CWC27: variants seen among roughly 807,000 people sequenced by gnomAD.
The protein encoded by CWC27 is spliceosome-associated protein CWC27 homolog.
Under a neutral mutation model 63.6 loss-of-function variants are expected in CWC27, and 47 were observed. That is an observed-to-expected ratio of 0.74 (90% confidence interval 0.58 to 0.94). The LOEUF (loss-of-function observed/expected upper bound fraction) is 0.94. Ranked by LOEUF, CWC27 falls within the 40% of genes least tolerant of loss-of-function variation. CWC27 has a pLI of 0.00. For missense variants in CWC27, 495 were observed against 554.3 expected, an observed-to-expected ratio of 0.89 and a Z score of 1.07; for synonymous variants, 175 against 179.8, an observed-to-expected ratio of 0.97 and a Z score of 0.22.
At chr5:64,888,176 G>C (rs1178809327) in intron 11 of CWC27, among the ~76,000 whole-genome samples, 3 of 151,224 alleles carry the variant, frequency 2.0e-5, no homozygotes. Flanking sequence ...CAAAGGATGG[G>C]GACAAGCTAA....
chr5:64,806,256 A>C (rs1293924728), intron 10 of CWC27, among the ~76,000 whole-genome samples: 1 of 152,188 alleles, frequency 6.6e-6, no homozygotes, highest in Non-Finnish European at 1.5e-5. Flanking sequence ...AGTTATATTC[A>C]AGTGCATTGC....
At chr5:64,946,841 A>T (rs1748600375) in intron 11 of CWC27, among the ~76,000 whole-genome samples, 1 of 152,064 alleles carries the variant, frequency 6.6e-6, no homozygotes, top group East Asian at 1.9e-4. Context: ...CTTGCAGCTG[A>T]TGAGGACTTA....
intron 13 of CWC27, among the ~76,000 whole-genome samples, chr5:65,017,346 T>G (rs1436451340): frequency 6.6e-6 from 1 of 152,156 alleles, no homozygotes; most frequent in African/African-American, 2.4e-5. Flanking sequence ...ACTTTTCTCT[T>G]TCTAAATTCA....
At chr5:64,875,939 C>T (rs1446029796) in intron 10 of CWC27, among the ~76,000 whole-genome samples, 3 of 152,008 alleles carry the variant, frequency 2.0e-5, no homozygotes. Context: ...TAAATAATTT[C>T]CATAGAATCT....
chr5:64,829,948 C>T (rs1300874257), intron 10 of CWC27, among the ~76,000 whole-genome samples: 7 of 149,300 alleles, frequency 4.7e-5, no homozygotes, highest in Non-Finnish European at 7.4e-5. Context: ...CCAGCTTCAT[C>T]CATGTCCCTG....
At chr5:64,952,979 G>A (rs1748739633) in intron 11 of CWC27, among the ~76,000 whole-genome samples, 1 of 152,098 alleles carries the variant, frequency 6.6e-6, no homozygotes, top group South Asian at 2.1e-4. Flanking sequence ...CAAAACCCAT[G>A]GAGAAGTCCC....
At chr5:64,788,362 A>C (rs1174862018) in intron 6 of CWC27, among the ~76,000 whole-genome samples, 1 of 150,366 alleles carries the variant, frequency 6.7e-6, no homozygotes, top group Non-Finnish European at 1.5e-5. Flanking sequence ...TAATTTTTCT[A>C]TTTGAGAGAC....
intron 7 of CWC27, among the ~76,000 whole-genome samples, chr5:64,795,120 T>C (rs973958581): frequency 9.2e-5 from 14 of 152,268 alleles, no homozygotes; most frequent in South Asian, 2.1e-4. Flanking sequence ...GGATGTTTTG[T>C]CCTATTCTAG....
intron 10 of CWC27, among the ~76,000 whole-genome samples, chr5:64,862,226 T>C (rs941504966): frequency 6.6e-6 from 1 of 152,172 alleles, no homozygotes; most frequent in Non-Finnish European, 1.5e-5. Flanking sequence ...ATGTAACTAC[T>C]AGGAATCTGC....
At chr5:64,796,108 C>T (rs1174684242) in intron 7 of CWC27, among the ~76,000 whole-genome samples, 5 of 150,976 alleles carry the variant, frequency 3.3e-5, no homozygotes, top group South Asian at 4.2e-4. Context: ...AAGGAGATTT[C>T]CTGCATTGCC....
At chr5:64,838,021 CTT>C (rs1745700787) in intron 10 of CWC27, among the ~76,000 whole-genome samples, 1 of 152,084 alleles carries the variant, frequency 6.6e-6, no homozygotes, top group African/African-American at 2.4e-5. Context: ...TCCTTAGTGA[CTT>C]TTCAACTAAT....
chr5:64,836,533 G>A (rs1280871331), intron 10 of CWC27, among the ~76,000 whole-genome samples: 1 of 151,924 alleles, frequency 6.6e-6, no homozygotes, highest in East Asian at 1.9e-4. Flanking sequence ...TCCCAGGCAT[G>A]TGACCTTAAA....
chr5:64,822,099 G>T (rs1745214409), intron 10 of CWC27, among the ~76,000 whole-genome samples: 1 of 152,182 alleles, frequency 6.6e-6, no homozygotes, highest in African/African-American at 2.4e-5. Context: ...TTTAAAGTTG[G>T]AAAGTTACAT....
At chr5:64,826,076 A>AATCTATCT (rs148024057) in intron 10 of CWC27, among the ~76,000 whole-genome samples, 17,724 of 148,196 alleles carry the variant, frequency 0.12, 1,167 homozygotes, top group Admixed American at 0.22. Flanking sequence ...CTTTGTAATA[A>AATCTATCT]ATCTATCTAT....
intron 7 of CWC27, among the ~76,000 whole-genome samples, chr5:64,799,185 C>T (rs1343827178): frequency 2.6e-5 from 4 of 152,162 alleles, no homozygotes; most frequent in East Asian, 3.8e-4. Context: ...TCTCTTTAAC[C>T]ATCTGTAAAA....
At chr5:64,983,915 G>T (rs1349292312) in intron 13 of CWC27, among the ~76,000 whole-genome samples, 2 of 152,092 alleles carry the variant, frequency 1.3e-5, no homozygotes, top group African/African-American at 4.8e-5. Flanking sequence ...ACTGCAACCT[G>T]TGCCTCCCCA....
intron 7 of CWC27, among the ~76,000 whole-genome samples, chr5:64,799,846 TG>T (rs1375993234): frequency 2.0e-5 from 3 of 151,876 alleles, no homozygotes; most frequent in Non-Finnish European, 4.4e-5. Flanking sequence ...TTTTAAAAAG[TG>T]ATTCTGTGCA....
intron 10 of CWC27, among the ~76,000 whole-genome samples, chr5:64,837,567 G>A (rs2112273565): frequency 6.6e-6 from 1 of 150,986 alleles, no homozygotes; most frequent in South Asian, 2.1e-4. Flanking sequence ...TTAATATCTA[G>A]CATTAGTCTT....
At chr5:64,970,958 A>AGAGT (rs1235014061) in intron 11 of CWC27, among the ~76,000 whole-genome samples, 1 of 143,410 alleles carries the variant, frequency 7.0e-6, no homozygotes, top group Non-Finnish European at 1.5e-5. Flanking sequence ...AGAGAGAGGG[A>AGAGT]GTGTGTGTGT....
Sources: allele counts gnomAD v4.1 joint callset (sites outside exome capture counted in the v4.1 genomes callset), GRCh38; gene constraint gnomAD v4.1.1; transcripts MANE v1.5; gene names NCBI Gene and HGNC (gene_info 2026-07-23, HGNC 2026-07-21).